The following RASIP1 variants were observed in gnomAD, a reference collection of about 807,000 sequenced individuals.
RASIP1 encodes Ras interacting protein 1.
Under a neutral mutation model 85.3 loss-of-function variants are expected in RASIP1, and 20 were observed. The observed-to-expected ratio is 0.23, with a 90% CI of 0.17 to 0.34. The LOEUF (loss-of-function observed/expected upper bound fraction) is 0.34. RASIP1 is among the 10% of genes least tolerant of loss of function. The probability of loss-of-function intolerance (pLI) is 1.00; values close to 1 mark genes in which losing one functional copy is unlikely to be tolerated. For missense variants in RASIP1, 1,170 were observed against 1,390.9 expected, an observed-to-expected ratio of 0.84 and a Z score of 2.53; for synonymous variants, 617 against 647.1, an observed-to-expected ratio of 0.95 and a Z score of 0.71.
chr19:48,736,190 CGGATCACAAGGTCA>C (rs1345978669), intron 3 of RASIP1, among the ~76,000 whole-genome samples: 1 of 150,418 alleles, frequency 6.6e-6, no homozygotes, highest in Non-Finnish European at 1.5e-5. Flanking sequence ...CTGAGGCGGG[CGGATCACAAGGTCA>C]GGAGATCGAG....
chr19:48,724,376 A>G lies in RASIP1; in HGVS notation c.2505T>C (p.Ala835=), dbSNP rs1301941282. Residue 835 remains alanine, a synonymous_variant, in exon 10 of 12, where the codon GCT becomes GCC. Transcript: ENST00000222145. The surrounding 1 kb of genome is among the most constrained non-coding windows in gnomAD (Gnocchi z 4.6). ...ATEFFRKLSM[A]VNLLCVPRTS... The stretch of plus-strand genomic sequence containing the variant: ...TGCGGGGCACACAGAGCAGGTTCAC[A>G]GCCATGGAGAGTTTCCGGAAGAACT... 1 of 1,614,214 alleles carries G rather than the reference A, an allele frequency of 6.2e-7. No individual in the cohort carries two copies. Among genetic ancestry groups the G allele is most frequent in the African/African-American group, 1.3e-5 (1 of 75,056 alleles).
chr19:48,735,979 A>G (rs1027975028), intron 3 of RASIP1, among the ~76,000 whole-genome samples: 4 of 150,946 alleles, frequency 2.6e-5, no homozygotes, highest in African/African-American at 9.7e-5. Context: ...TATTTTTAGT[A>G]TAGATGGGTT....
In RASIP1 at chr19:48,729,505, G is replaced by A. The variant is rs1324948844; in HGVS notation, c.1265C>T (p.Pro422Leu). 2.5e-6 allele frequency: 4 copies of A among 1,594,882 alleles called. No individual in the cohort carries two copies. The highest frequency in any genetic ancestry group is 3.4e-6 in the Non-Finnish European group (4 of 1,171,448). Residue 422 changes from proline to leucine, a missense_variant, in exon 5 of 12, where the codon CCC becomes CTC. Pro to Leu is a moderately conservative substitution (Grantham distance 98, BLOSUM62 -3). Around this residue, in one of 4 missense-constraint regions of RASIP1, gnomAD observed 301 missense variants for 294.8 expected, o/e 1.02. Transcript: ENST00000222145. ...NSSGRGGSPA[P>L]YVDTFLNAPD... is the part of the protein sequence containing the mutation. Reference sequence around the variant, plus strand: ...GGCGTTGAGGAAGGTGTCCACATAGGGAGCCGGGGACCCCCCGCGGCCAGA... The same window carrying A: ...GGCGTTGAGGAAGGTGTCCACATAGAGAGCCGGGGACCCCCCGCGGCCAGA...
chr19:48,734,164 G>A (rs1045485477), intron 4 of RASIP1, among the ~76,000 whole-genome samples: 78 of 151,118 alleles, frequency 5.2e-4, no homozygotes, highest in Admixed American at 2.0e-3. Flanking sequence ...GCATGGTGGC[G>A]GGCGCCTGTA....
In RASIP1 at chr19:48,731,503, G is replaced by A. The variant is rs146760865; in HGVS notation, c.1180-1913C>T. The stretch of plus-strand genomic sequence containing the variant: ...TCCACGGATAAATAAATGCCTTCAC[G>A]GACAACCTCTTACCATGGAGTGTTC... On this transcript the variant is annotated intron_variant, in intron 4 of 11. Transcript: ENST00000222145. 3.2e-3 allele frequency among the ~76,000 whole-genome samples: 484 copies of A among 152,164 alleles called. 4 individuals carry two copies. Among genetic ancestry groups the A allele is most frequent in the African/African-American group, 0.011 (456 of 41,512 alleles).
intron 10 of RASIP1, among the ~76,000 whole-genome samples, chr19:48,723,219 C>T (rs1282700765): frequency 6.6e-6 from 1 of 152,042 alleles, no homozygotes; most frequent in Non-Finnish European, 1.5e-5. Context: ...AAATAAATGT[C>T]TATGGGGAAC....
chr19:48,732,593 G>A (rs761501560), intron 4 of RASIP1, among the ~76,000 whole-genome samples: 3 of 152,156 alleles, frequency 2.0e-5, no homozygotes, highest in Middle Eastern at 3.4e-3. Context: ...TCACTATGTT[G>A]CCCAGGCTTA....
At chr19:48,731,823 C>A (rs466021) in intron 4 of RASIP1, among the ~76,000 whole-genome samples, 152,119 of 152,302 alleles carry the variant, frequency 1, 75,972 homozygotes, top group Middle Eastern at 1. Flanking sequence ...TGAAGGTAGA[C>A]TCTCCTGTTC....
chr19:48,732,832 C>T (rs2033488280), intron 4 of RASIP1, among the ~76,000 whole-genome samples: 5 of 152,182 alleles, frequency 3.3e-5, no homozygotes, highest in Admixed American at 3.3e-4. Flanking sequence ...CACAGTCAAG[C>T]TGCCTAACCC....
intron 5 of RASIP1, among the ~76,000 whole-genome samples, chr19:48,727,791 A>G (rs566997133): frequency 5.4e-5 from 8 of 148,000 alleles, no homozygotes; most frequent in Non-Finnish European, 1.2e-4. Context: ...GGTTCAAGTG[A>G]TTCTCCTGCC....
intron 5 of RASIP1, 22 bp downstream of exon 5, chr19:48,728,914 GA>G: frequency 7.0e-7 from 1 of 1,430,184 alleles, no homozygotes; most frequent in Non-Finnish European, 9.1e-7. Flanking sequence ...GGTGGGGCTG[GA>G]CGGCGATTGG....
chr19:48,730,509 A>G (rs977939381), intron 4 of RASIP1, among the ~76,000 whole-genome samples: 8 of 152,088 alleles, frequency 5.3e-5, no homozygotes, highest in African/African-American at 1.7e-4. Flanking sequence ...TCCCTCAAGC[A>G]TTAGATGCTT....
chr19:48,740,120 A>G lies in RASIP1; in HGVS notation c.137+26T>C. Reference sequence around the variant, plus strand: ...AGATGGGAAGCAGGTGTGCAGGGGCAGGAGTCCTGCAGAGATGGCACTCAC... The same window carrying G: ...AGATGGGAAGCAGGTGTGCAGGGGCGGGAGTCCTGCAGAGATGGCACTCAC... On this transcript the variant is annotated intron_variant, in intron 2 of 11. Transcript: ENST00000222145. This position sits in a 1 kb window ranked among gnomAD's most constrained non-coding sequence, Gnocchi z 5.5. 6.4e-7 allele frequency: 1 copy of G among 1,556,838 alleles called. No homozygotes were observed. Among genetic ancestry groups the G allele is most frequent in the South Asian group, 1.2e-5 (1 of 84,680 alleles).
chr19:48,736,398 G>A (rs1382149134), intron 3 of RASIP1, among the ~76,000 whole-genome samples: 5 of 151,788 alleles, frequency 3.3e-5, no homozygotes, highest in African/African-American at 9.7e-5. Context: ...GCAAGACTCC[G>A]TCTCAAAAAA....
intron 4 of RASIP1, among the ~76,000 whole-genome samples, chr19:48,732,059 A>C (rs577581064): frequency 7.0e-6 from 1 of 143,520 alleles, no homozygotes; most frequent in South Asian, 2.2e-4. Flanking sequence ...TTTTTTTTTT[A>C]ATCTCTTTTT....
Position 48,740,130 on chromosome 19 carries a change from C to T in RASIP1, c.137+16G>A. 6.3e-7 allele frequency: 1 copy of T among 1,579,582 alleles called. No homozygotes were observed. Among genetic ancestry groups the T allele is most frequent in the East Asian group, 2.4e-5 (1 of 42,438 alleles). ...CAGGTGTGCAGGGGCAGGAGTCCTGCAGAGATGGCACTCACTTGACAGAGG... is the reference window on the plus strand; with the variant it reads ...CAGGTGTGCAGGGGCAGGAGTCCTGTAGAGATGGCACTCACTTGACAGAGG... On this transcript the variant is annotated intron_variant, in intron 2 of 11. Coordinates refer to ENST00000222145, the MANE Select transcript of RASIP1 (RefSeq NM_017805.3). This position sits in a 1 kb window ranked among gnomAD's most constrained non-coding sequence, Gnocchi z 5.5.
At position 48,740,469 on chromosome 19, in the gene RASIP1, G is replaced by C; in HGVS notation, c.-5+52C>G. On this transcript the variant is annotated intron_variant, in intron 1 of 11. Transcript: ENST00000222145. This position sits in a 1 kb window ranked among gnomAD's most constrained non-coding sequence, Gnocchi z 5.5. ...GGATGGAAGATGGCTGGGGGACTGA[G>C]TCTTGGGGCCCAGGGAGGAGGGGTT... The C allele has an allele frequency of 7.1e-7, 1 of 1,400,142 alleles. No homozygotes were observed. Among genetic ancestry groups the C allele is most frequent in the Non-Finnish European group, 9.2e-7 (1 of 1,083,266 alleles). 86.7% of individuals were successfully genotyped at this position (1,400,142 alleles called of 1,614,324 possible).
intron 8 of RASIP1, 180 bp from the exon 9 acceptor site, chr19:48,725,140 AAGTTTCTCG>A (rs1253312615): frequency 3.0e-6 from 2 of 663,810 alleles, no homozygotes; most frequent in Non-Finnish European, 5.0e-6. Flanking sequence ...AAGGGTATAC[AAGTTTCTCG>A]AGTATTTTAA....
At position 48,721,965 on chromosome 19, in the gene RASIP1, A is replaced by G. The variant is rs753880322; in HGVS notation, c.2581T>C (p.Leu861=). The change falls in exon 11 of 12, where the codon TTG becomes CTG. Residue 861 remains leucine (L), a synonymous_variant. Coordinates refer to ENST00000222145, the MANE Select transcript of RASIP1 (RefSeq NM_017805.3). ...WSSLRTDHPT[L]TPAQLHHLLS... is the part of the protein sequence containing the mutation. ...AGATGGTGCAGCTGGGCGGGGGTCA[A>G]GGTGGGGTGGTCGGTTCTTAGGCTG... 19 of 1,531,926 alleles carry G rather than the reference A, an allele frequency of 1.2e-5. No individual in the cohort carries two copies. In the Admixed American group the frequency reaches 1.6e-4, roughly 13 times the overall value. The allele number at this position is 1,531,926 out of a possible 1,614,324, so 94.9% of individuals were successfully genotyped here. A position where few individuals can be genotyped will look rare whatever the true frequency, so the allele number is the denominator to read the frequency against.
Sources: allele counts gnomAD v4.1 joint callset (sites outside exome capture counted in the v4.1 genomes callset), GRCh38; gene constraint gnomAD v4.1.1; regional missense constraint gnomAD v4.1.1; non-coding constraint Gnocchi (gnomAD v3.1); transcripts MANE v1.5; gene names NCBI Gene and HGNC (gene_info 2026-07-23, HGNC 2026-07-21).